The following SAMSN1 variants were observed in gnomAD, a reference collection of about 807,000 sequenced individuals.
The protein encoded by SAMSN1 is SAM domain-containing protein SAMSN-1.
Under a neutral mutation model 42.0 loss-of-function variants are expected in SAMSN1, and 31 were observed. The observed-to-expected ratio is 0.74, with a 90% CI of 0.55 to 1.00. The LOEUF (loss-of-function observed/expected upper bound fraction) is 1.00. Among genes scored for constraint, SAMSN1 ranks in the 50% least tolerant of loss-of-function variants. The pLI, the probability that SAMSN1 is intolerant of heterozygous loss-of-function variation, is 0.00. For missense variants in SAMSN1, 464 were observed against 439.4 expected, an observed-to-expected ratio of 1.06 and a Z score of -0.50; for synonymous variants, 178 against 151.9, an observed-to-expected ratio of 1.17 and a Z score of -1.26.
intron 2 of SAMSN1, among the ~76,000 whole-genome samples, chr21:14,551,561 T>A (rs981019984): frequency 6.6e-6 from 1 of 152,064 alleles, no homozygotes; most frequent in African/African-American, 2.4e-5. Context: ...CCTTTCTAAG[T>A]GGTTTTAAAG....
upstream of SAMSN1, among the ~76,000 whole-genome samples, chr21:14,587,412 G>T (rs1981950068): frequency 6.6e-6 from 1 of 151,978 alleles, no homozygotes; most frequent in Non-Finnish European, 1.5e-5. Context: ...GTGACCTTCT[G>T]GAAACACTCT....
At chr21:14,637,095 G>A (rs571986851) in intron 2 of SAMSN1, among the ~76,000 whole-genome samples, 49 of 152,248 alleles carry the variant, frequency 3.2e-4, no homozygotes, top group African/African-American at 1.1e-3. Flanking sequence ...CAATATGGCA[G>A]CCATCCATAG....
intron 3 of SAMSN1, among the ~76,000 whole-genome samples, chr21:14,514,613 G>A (rs144070799): frequency 7.9e-5 from 12 of 152,174 alleles, no homozygotes; most frequent in Non-Finnish European, 1.6e-4. Flanking sequence ...ATGAATTAGT[G>A]TGAAAAGTGA....
At chr21:14,655,172 T>C (rs1056439932) in intron 1 of SAMSN1, among the ~76,000 whole-genome samples, 2 of 151,802 alleles carry the variant, frequency 1.3e-5, no homozygotes, top group African/African-American at 4.8e-5. Flanking sequence ...TGAAAATGAA[T>C]AATCACAGAA....
In SAMSN1 at chr21:14,536,905, C is replaced by T. The variant is rs142656980; in HGVS notation, c.57+9300G>A. 5.9e-5 allele frequency among the ~76,000 whole-genome samples: 9 copies of T among 152,222 alleles called. No homozygotes were observed. In the South Asian group the frequency reaches 1.9e-3, roughly 32 times the overall value. ...TGGATAAAGTAAGTACAAATATATCCCAAATTTAGAGTCTTCTCAACACCA... is the reference window on the plus strand; with the variant it reads ...TGGATAAAGTAAGTACAAATATATCTCAAATTTAGAGTCTTCTCAACACCA... On this transcript the variant is annotated intron_variant, in intron 1 of 7. Coordinates refer to ENST00000400566, the MANE Select transcript of SAMSN1 (RefSeq NM_022136.5).
rs56728511 is a variant in SAMSN1 at position 14,581,344 on chromosome 21, CTTTTTTTTTTTTTTTTTTTTTT to C, written c.261+770_261+791del. 1.2e-4 allele frequency among the ~76,000 whole-genome samples: 4 copies of C among 32,588 alleles called. 1 individual carries two copies. Among genetic ancestry groups the C allele is most frequent in the Non-Finnish European group, 2.2e-4 (4 of 17,844 alleles). 21.4% of individuals were successfully genotyped at this position (32,588 alleles called of 152,430 possible). A position where few individuals can be genotyped will look rare whatever the true frequency, so the allele number is the denominator to read the frequency against. Reference sequence around the variant, plus strand: ...TGTAAAATGAGGGGAAATAATATTTCTTTTTTTTTTTTTTTTTTTTTTTTTTTTTTTTGAGGACGAGTCTTGC... The same window carrying C: ...TGTAAAATGAGGGGAAATAATATTTCTTTTTTTTTTGAGGACGAGTCTTGC... On this transcript the variant is annotated intron_variant, in intron 2 of 8. Transcript: ENST00000285670.
chr21:14,539,454 A>G (rs892624457), intron 1 of SAMSN1, among the ~76,000 whole-genome samples: 2 of 152,218 alleles, frequency 1.3e-5, no homozygotes, highest in Non-Finnish European at 2.9e-5. Flanking sequence ...GTCTCAGGAT[A>G]CAAAATCAGT....
upstream of SAMSN1, among the ~76,000 whole-genome samples, chr21:14,587,419 C>T (rs369937349): frequency 2.3e-4 from 35 of 152,262 alleles, no homozygotes; most frequent in East Asian, 9.7e-4. Context: ...TCTGGAAACA[C>T]TCTCTTTTCT....
At chr21:14,580,315 G>A (rs60897525) in intron 2 of SAMSN1, among the ~76,000 whole-genome samples, 2 of 152,308 alleles carry the variant, frequency 1.3e-5, no homozygotes, top group African/African-American at 4.8e-5. Context: ...AAATTAGATT[G>A]AGTCCAGACT....
At chr21:14,541,690 A>G (rs1042869623) in intron 1 of SAMSN1, among the ~76,000 whole-genome samples, 1 of 152,200 alleles carries the variant, frequency 6.6e-6, no homozygotes, top group Non-Finnish European at 1.5e-5. Flanking sequence ...ATTTATTGAG[A>G]GTCTACTACG....
upstream of SAMSN1, among the ~76,000 whole-genome samples, chr21:14,547,563 G>A (rs527966442): frequency 2.6e-4 from 40 of 152,244 alleles, 1 homozygote; most frequent in South Asian, 8.1e-3. Flanking sequence ...AATAAACCTA[G>A]ATTTCTGTTT....
chr21:14,511,215 A>C (rs746409621), intron 4 of SAMSN1, among the ~76,000 whole-genome samples: 1 of 152,212 alleles, frequency 6.6e-6, no homozygotes, highest in Non-Finnish European at 1.5e-5. Context: ...TAGCTCCTTC[A>C]AGATGCTCCA....
At chr21:14,515,224 A>G (rs991249) in intron 3 of SAMSN1, among the ~76,000 whole-genome samples, 77,766 of 151,906 alleles carry the variant, frequency 0.51, 20,136 homozygotes, top group East Asian at 0.6. Flanking sequence ...GGAGTACTGG[A>G]GACAGAGCCC....
rs200437360 is a variant in SAMSN1 at position 14,498,418 on chromosome 21, A to T, written c.919+24T>A. The T allele has an allele frequency of 6.9e-4, 1,093 of 1,580,588 alleles. 5 individuals are homozygous for T. In the Middle Eastern group the frequency reaches 0.016, roughly 24 times the overall value. On this transcript the variant is annotated intron_variant, in intron 7 of 7. Coordinates refer to ENST00000400566, the MANE Select transcript of SAMSN1 (RefSeq NM_022136.5). ...ACATTAAACTGATTATCAGCTGGGG[A>T]GAAGAGTAGGTGTACACACTTACTT...
At chr21:14,561,050 C>T (rs1440874097) in intron 2 of SAMSN1, among the ~76,000 whole-genome samples, 1 of 152,122 alleles carries the variant, frequency 6.6e-6, no homozygotes, top group Non-Finnish European at 1.5e-5. Context: ...GCTCAGGGGT[C>T]ATGTAGCCAG....
At chr21:14,561,535 G>A (rs953179633) in intron 2 of SAMSN1, among the ~76,000 whole-genome samples, 1 of 152,158 alleles carries the variant, frequency 6.6e-6, no homozygotes, top group African/African-American at 2.4e-5. Context: ...GAAAGACATG[G>A]GAGGGAGATG....
Position 14,656,874 on chromosome 21 carries a change from C to T in SAMSN1, c.24+1874G>A, listed in dbSNP as rs541431236. Among the ~76,000 whole-genome samples the T allele has an allele frequency of 2.6e-5, 4 of 151,922 alleles. No individual in the cohort carries two copies. In the East Asian group the frequency reaches 7.7e-4, roughly 29 times the overall value. On this transcript the variant is annotated intron_variant, in intron 1 of 15. Transcript: ENST00000647101. ...GACACATAATATTTAAAATCACCTG[C>T]TTCCCAGAGATTTAAAGGTCAGTGT...
At chr21:14,510,008 G>A (rs937534986) in intron 5 of SAMSN1, among the ~76,000 whole-genome samples, 14 of 151,848 alleles carry the variant, frequency 9.2e-5, no homozygotes, top group South Asian at 2.1e-4. Context: ...GCGTGGTGGC[G>A]GGCGCCTGTA....
chr21:14,502,768 C>G (rs1297508687), intron 5 of SAMSN1, among the ~76,000 whole-genome samples: 1 of 152,162 alleles, frequency 6.6e-6, no homozygotes, highest in African/African-American at 2.4e-5. Flanking sequence ...AACTAAGGAG[C>G]TTACTGTGGG....
Sources: gnomAD v4.1 joint callset for allele counts (sites outside exome capture counted in the v4.1 genomes callset) on GRCh38, gnomAD v4.1.1 for gene constraint, MANE v1.5 for transcripts, NCBI Gene and HGNC (gene_info 2026-07-23, HGNC 2026-07-21) for gene names.